Variants in CHAT observed in about 807,000 individuals in gnomAD.
CHAT encodes choline O-acetyltransferase.
A neutral mutation model predicts 76.9 loss-of-function variants in CHAT; 61 were observed. The ratio of observed to expected loss-of-function variants is 0.79; its 90% CI spans 0.65 to 0.98. CHAT has a LOEUF of 0.98. Ranked by LOEUF, CHAT falls within the 50% of genes least tolerant of loss-of-function variation. The probability of loss-of-function intolerance (pLI) is 0.00; values close to 1 mark genes in which losing one functional copy is unlikely to be tolerated. For missense variants in CHAT, 946 were observed against 986.9 expected, an observed-to-expected ratio of 0.96 and a Z score of 0.56; for synonymous variants, 407 against 397.4, an observed-to-expected ratio of 1.02 and a Z score of -0.29.
intron 10 of CHAT, 115 bp downstream of exon 10, chr10:49,649,751 T>C: frequency 1.8e-6 from 2 of 1,118,890 alleles, no homozygotes; most frequent in Non-Finnish European, 2.7e-6. Context: ...CTGCCTCTCC[T>C]TGGGCTCCAC....
In CHAT at chr10:49,614,087, C is replaced by G. The variant is rs563585126; in HGVS notation, c.-103C>G. On this transcript the variant is annotated 5_prime_UTR_variant, in exon 1 of 15. Transcript: ENST00000337653. ...ATGGGCGGGACAGTGTTCTGTGCCCCCTTCTAGAGCCTAAATTTGTTGCCC... is the reference window on the plus strand; with the variant it reads ...ATGGGCGGGACAGTGTTCTGTGCCCGCTTCTAGAGCCTAAATTTGTTGCCC... The G allele has an allele frequency of 4.9e-4, 763 of 1,541,812 alleles. 2 individuals are homozygous for G. In the African/African-American group the frequency reaches 9.4e-3, roughly 19 times the overall value.
chr10:49,645,812 G>A (rs1839641614), intron 7 of CHAT, among the ~76,000 whole-genome samples: 1 of 152,178 alleles, frequency 6.6e-6, no homozygotes, highest in South Asian at 2.1e-4. Flanking sequence ...GGAATTGGTA[G>A]AGGCTAACAC....
chr10:49,613,322 A>G (rs1838351949), upstream of CHAT: 1 of 152,242 alleles, frequency 6.6e-6, no homozygotes, highest in Admixed American at 6.5e-5. Flanking sequence ...GAAGGGAGAG[A>G]TGCGAGTGTG....
chr10:49,637,054 C>T (rs756692738), intron 7 of CHAT, among the ~76,000 whole-genome samples: 101 of 146,146 alleles, frequency 6.9e-4, no homozygotes, highest in Non-Finnish European at 1.2e-3. Flanking sequence ...TTTTTTTTGT[C>T]AGTCTCTCTA....
chr10:49,619,366 G>A (rs1021812968), intron 2 of CHAT, among the ~76,000 whole-genome samples: 6 of 152,150 alleles, frequency 3.9e-5, no homozygotes, highest in African/African-American at 1.2e-4. Context: ...AGAGATAGGG[G>A]TTACTACTCC....
chr10:49,612,304 G>A (rs1188732382), upstream of CHAT: 13 of 1,609,106 alleles, frequency 8.1e-6, no homozygotes, highest in East Asian at 4.5e-5. Context: ...TGATGCGTGC[G>A]AGGACGACTA....
Position 49,651,927 on chromosome 10 carries a change from T to C in CHAT, c.1555T>C (p.Tyr519His). 6.2e-7 allele frequency: 1 copy of C among 1,614,170 alleles called. No individual in the cohort carries two copies. The highest frequency in any genetic ancestry group is 1.1e-5 in the South Asian group (1 of 91,078). Residue 519 changes from tyrosine (Y) to histidine (H), a missense_variant, in exon 11 of 15, where the codon TAT (tyrosine) becomes CAT (histidine). Tyr to His is a moderately conservative substitution (Grantham distance 83, BLOSUM62 2). This residue lies in a region of CHAT where 349 missense variants were observed against 393.9 expected (regional missense o/e 0.89). Coordinates refer to ENST00000337653, the MANE Select transcript of CHAT (RefSeq NM_020549.5). Reference protein sequence around the residue: ...LDFIVYKFDNYGKTFIKKQKC... With the variant: ...LDFIVYKFDNHGKTFIKKQKC... ...CTTCATTGTCTATAAGTTTGACAAC[T>C]ATGGGAAAACATTCATTAAGAAGCA... is the stretch of plus-strand genomic sequence containing the variant.
At chr10:49,616,154 C>T (rs956943794) in intron 1 of CHAT, 18 of 1,477,806 alleles carry the variant, frequency 1.2e-5, no homozygotes, top group Middle Eastern at 1.7e-4. Flanking sequence ...AAGCACTTAT[C>T]TATTGGGTTC....
chr10:49,625,035 C>T (rs115233664), intron 5 of CHAT, among the ~76,000 whole-genome samples: 2,084 of 152,164 alleles, frequency 0.014, 41 homozygotes, highest in African/African-American at 0.048. Flanking sequence ...AGGCACAAGG[C>T]ATGCTGAGAC....
chr10:49,662,961 G>A (rs1279656331), intron 14 of CHAT, among the ~76,000 whole-genome samples, 179 bp downstream of exon 14: 2 of 152,188 alleles, frequency 1.3e-5, no homozygotes, highest in Non-Finnish European at 2.9e-5. Context: ...GACCAGGCTT[G>A]GTGGCTTACA....
chr10:49,662,899 CTA>C (rs1840241713), intron 14 of CHAT, 117 bp downstream of exon 14: 2 of 1,271,538 alleles, frequency 1.6e-6, no homozygotes, highest in African/African-American at 2.9e-5. Context: ...TTTTTCTGAA[CTA>C]TGTGATCTTC....
chr10:49,633,393 G>C (rs914034445), intron 7 of CHAT, among the ~76,000 whole-genome samples: 1 of 152,112 alleles, frequency 6.6e-6, no homozygotes, highest in Non-Finnish European at 1.5e-5. Context: ...TTACACCTGC[G>C]AGGTGGGATT....
intron 7 of CHAT, among the ~76,000 whole-genome samples, chr10:49,631,945 A>G (rs1839137556): frequency 6.8e-6 from 1 of 147,370 alleles, no homozygotes; most frequent in African/African-American, 2.5e-5. Flanking sequence ...CAGCACAGAA[A>G]CAAGGGGGAT....
upstream of CHAT, chr10:49,611,494 T>A: frequency 6.2e-7 from 1 of 1,600,336 alleles, no homozygotes; most frequent in Non-Finnish European, 8.5e-7. Context: ...AGCTGCCGTG[T>A]CGCTCTTTGA....
intron 7 of CHAT, among the ~76,000 whole-genome samples, chr10:49,633,544 G>A (rs748424191): frequency 2.0e-5 from 3 of 152,202 alleles, no homozygotes; most frequent in Non-Finnish European, 4.4e-5. Context: ...GTGGGATTCT[G>A]AAGACAGGCT....
At chr10:49,640,978 T>G (rs990047389) in intron 7 of CHAT, among the ~76,000 whole-genome samples, 1 of 152,206 alleles carries the variant, frequency 6.6e-6, no homozygotes, top group African/African-American at 2.4e-5. Context: ...AGAGCTGGCA[T>G]AACAATACCA....
chr10:49,661,831 G>A (rs1201293057), intron 13 of CHAT, among the ~76,000 whole-genome samples: 2 of 152,004 alleles, frequency 1.3e-5, no homozygotes, highest in African/African-American at 4.8e-5. Context: ...ATGAGTACCC[G>A]GCCCCACTTC....
chr10:49,651,057 A>T (rs6537543), intron 10 of CHAT, among the ~76,000 whole-genome samples: 1 of 151,622 alleles, frequency 6.6e-6, no homozygotes. Context: ...GATGGGGAAG[A>T]AGGAGGCTTC....
In CHAT at chr10:49,665,031, G is replaced by T; in HGVS notation, c.2232G>T (p.Gln744His). 1.2e-6 allele frequency: 2 copies of T among 1,614,018 alleles called. No homozygotes were observed. Among genetic ancestry groups the T allele is most frequent in the Non-Finnish European group, 8.5e-7 (1 of 1,180,046 alleles). The change falls in exon 15 of 15, where the codon CAG becomes CAT. Residue 744 changes from glutamine to histidine, a missense_variant. Physicochemically the swap from Gln to His is conservative, Grantham distance 24. Around this residue, in one of 3 missense-constraint regions of CHAT, gnomAD observed 349 missense variants for 393.9 expected, o/e 0.89. Transcript: ENST00000337653. Reference sequence around the variant, plus strand: ...AGGAAAAAGCCACGAGGCCCAGCCAGGGACACCAACCTTGACTCCTGCCAC... The same window carrying T: ...AGGAAAAAGCCACGAGGCCCAGCCATGGACACCAACCTTGACTCCTGCCAC... Reference protein sequence around the residue: ...ATKEKATRPSQGHQP With the variant: ...ATKEKATRPSHGHQP
Sources: gnomAD v4.1 joint callset for allele counts (sites outside exome capture counted in the v4.1 genomes callset) on GRCh38, gnomAD v4.1.1 for gene constraint, gnomAD v4.1.1 regional missense constraint, MANE v1.5 for transcripts, NCBI Gene and HGNC (gene_info 2026-07-23, HGNC 2026-07-21) for gene names.